The following DRC11 variants were observed in gnomAD, a reference collection of about 807,000 sequenced individuals.
The protein encoded by DRC11 is IQ and AAA domain-containing protein 1.
At chr2:236,470,325 C>T in the DRC11 span, among the ~76,000 whole-genome samples, 1 of 152,218 alleles carries the variant, frequency 6.6e-6, no homozygotes, top group African/African-American at 2.4e-5. This position sits in a 1 kb window ranked among gnomAD's most constrained non-coding sequence, Gnocchi z 5.1. Context: ...TTTGTTGTTA[C>T]CAAAGGTGAA....
chr2:236,418,734 T>C, the DRC11 span, among the ~76,000 whole-genome samples: 1 of 152,260 alleles, frequency 6.6e-6, no homozygotes, highest in Non-Finnish European at 1.5e-5. Flanking sequence ...CGCTAGATGA[T>C]AAATTTGAAC....
At chr2:236,351,637 GA>G in the DRC11 span, among the ~76,000 whole-genome samples, 1 of 152,106 alleles carries the variant, frequency 6.6e-6, no homozygotes, top group South Asian at 2.1e-4. The surrounding 1 kb of genome is among the most constrained non-coding windows in gnomAD (Gnocchi z 7.3). Context: ...TGTAGAGGAG[GA>G]TGTGGTGGGA....
chr2:236,367,915 A>G, the DRC11 span: 4 of 440,478 alleles, frequency 9.1e-6, no homozygotes, highest in African/African-American at 8.1e-5. This position sits in a 1 kb window ranked among gnomAD's most constrained non-coding sequence, Gnocchi z 4.8. Context: ...AATTGCAGGT[A>G]CTTGCTTTGC....
the DRC11 span, chr2:236,368,392 A>G: frequency 1.5e-6 from 1 of 668,560 alleles, no homozygotes; most frequent in Non-Finnish European, 2.6e-6. Flanking sequence ...ATCGGAGAAT[A>G]CAAATTGAAC....
At chr2:236,442,123 C>T in the DRC11 span, among the ~76,000 whole-genome samples, 2 of 151,846 alleles carry the variant, frequency 1.3e-5, no homozygotes, top group East Asian at 1.9e-4. Context: ...ATAATTAAAG[C>T]TTAGAAATGT....
the DRC11 span, among the ~76,000 whole-genome samples, chr2:236,334,779 T>C: frequency 1.3e-5 from 2 of 152,212 alleles, no homozygotes; most frequent in Non-Finnish European, 2.9e-5. The surrounding 1 kb of genome is among the most constrained non-coding windows in gnomAD (Gnocchi z 7.8). Context: ...AAGCCTGGAA[T>C]TGCAGAAAAG....
chr2:236,488,063 C>CT, the DRC11 span: 2 of 1,607,274 alleles, frequency 1.2e-6, no homozygotes, highest in South Asian at 2.2e-5. Context: ...TCTTGGATTG[C>CT]TTTGCTCTAT....
chr2:236,335,004 T>TAAGAAAGAA, the DRC11 span, among the ~76,000 whole-genome samples: 1 of 151,194 alleles, frequency 6.6e-6, no homozygotes, highest in Non-Finnish European at 1.5e-5. The surrounding 1 kb of genome is among the most constrained non-coding windows in gnomAD (Gnocchi z 5.6). Context: ...CAGCTTGGTC[T>TAAGAAAGAA]GGGGGAAAGA....
At chr2:236,323,603 C>T in the DRC11 span, among the ~76,000 whole-genome samples, 1 of 152,200 alleles carries the variant, frequency 6.6e-6, no homozygotes, top group Non-Finnish European at 1.5e-5. This position sits in a 1 kb window ranked among gnomAD's most constrained non-coding sequence, Gnocchi z 6.4. Context: ...ACCTTCTTGG[C>T]CATTGATGAT....
At chr2:236,347,895 A>G in the DRC11 span, among the ~76,000 whole-genome samples, 4 of 151,886 alleles carry the variant, frequency 2.6e-5, no homozygotes, top group African/African-American at 7.3e-5. Flanking sequence ...CAAATCAATG[A>G]GTAGGTTATT....
chr2:236,422,717 G>C, the DRC11 span, among the ~76,000 whole-genome samples: 2 of 152,090 alleles, frequency 1.3e-5, no homozygotes, highest in Admixed American at 1.3e-4. Context: ...AGTTCATATG[G>C]AACCAAAAAG....
the DRC11 span, among the ~76,000 whole-genome samples, chr2:236,310,272 A>C: frequency 6.6e-6 from 1 of 152,150 alleles, no homozygotes; most frequent in Non-Finnish European, 1.5e-5. The surrounding 1 kb of genome is among the most constrained non-coding windows in gnomAD (Gnocchi z 5.5). Flanking sequence ...AGGTATCCCA[A>C]ATCCAGATGC....
chr2:236,411,594 C>G, the DRC11 span, among the ~76,000 whole-genome samples: 68 of 151,882 alleles, frequency 4.5e-4, no homozygotes, highest in South Asian at 2.3e-3. Flanking sequence ...GACACATGCA[C>G]ATGTATGTTT....
chr2:236,310,902 A>G, the DRC11 span, among the ~76,000 whole-genome samples: 12 of 152,346 alleles, frequency 7.9e-5, no homozygotes, highest in African/African-American at 2.9e-4. The surrounding 1 kb of genome is among the most constrained non-coding windows in gnomAD (Gnocchi z 5.5). Flanking sequence ...TAACCTCCCC[A>G]TTCACCGATC....
chr2:236,457,958 T>TAAG, the DRC11 span, among the ~76,000 whole-genome samples: 1 of 152,236 alleles, frequency 6.6e-6, no homozygotes, highest in African/African-American at 2.4e-5. The surrounding 1 kb of genome is among the most constrained non-coding windows in gnomAD (Gnocchi z 4.7). Flanking sequence ...AGGGTTAAAT[T>TAAG]AGTTAATGTA....
At chr2:236,318,604 T>C in the DRC11 span, among the ~76,000 whole-genome samples, 2 of 151,752 alleles carry the variant, frequency 1.3e-5, no homozygotes, top group Non-Finnish European at 2.9e-5. This position sits in a 1 kb window ranked among gnomAD's most constrained non-coding sequence, Gnocchi z 7.0. Context: ...CATGTGTATG[T>C]ATGTACAGCA....
the DRC11 span, among the ~76,000 whole-genome samples, chr2:236,333,729 A>G: frequency 6.6e-6 from 1 of 152,228 alleles, no homozygotes; most frequent in Admixed American, 6.5e-5. This position sits in a 1 kb window ranked among gnomAD's most constrained non-coding sequence, Gnocchi z 6.0. Flanking sequence ...CTGTGAAGCC[A>G]CAACAGTCAC....
chr2:236,348,887 T>G, the DRC11 span, among the ~76,000 whole-genome samples: 1 of 152,098 alleles, frequency 6.6e-6, no homozygotes, highest in African/African-American at 2.4e-5. The surrounding 1 kb of genome is among the most constrained non-coding windows in gnomAD (Gnocchi z 7.4). Context: ...TCTGGTAGCT[T>G]CAGCTGGCCT....
the DRC11 span, among the ~76,000 whole-genome samples, chr2:236,491,143 TATATATATACAC>T: frequency 0.22 from 18,763 of 86,504 alleles, 2,815 homozygotes; most frequent in Middle Eastern, 0.3. Context: ...ATATATACAG[TATATATATACAC>T]ACAGTATATA....
Sources: gnomAD v4.1 joint callset for allele counts (sites outside exome capture counted in the v4.1 genomes callset) on GRCh38, gnomAD v4.1.1 for gene constraint, Gnocchi (gnomAD v3.1) non-coding constraint, MANE v1.5 for transcripts, NCBI Gene and HGNC (gene_info 2026-07-23, HGNC 2026-07-21) for gene names.